The following EHD4 variants were observed in gnomAD, a reference collection of about 807,000 sequenced individuals.
The protein encoded by EHD4 is EH domain containing 4.
A neutral mutation model predicts 51.0 loss-of-function variants in EHD4; 37 were observed. The ratio of observed to expected loss-of-function variants is 0.73; its 90% CI spans 0.56 to 0.95. The LOEUF is 0.95. EHD4 is among the 40% of genes least tolerant of loss of function. The pLI is 0.00. For missense variants in EHD4, 632 were observed against 733.1 expected, an observed-to-expected ratio of 0.86 and a Z score of 1.59; for synonymous variants, 297 against 317.3, an observed-to-expected ratio of 0.94 and a Z score of 0.68.
chr15:41,923,980 T>C (rs1018564897), intron 3 of EHD4, among the ~76,000 whole-genome samples: 2 of 152,240 alleles, frequency 1.3e-5, no homozygotes, highest in Non-Finnish European at 2.9e-5. Flanking sequence ...TGGGCCAACT[T>C]TGATTAAGTT....
At chr15:41,969,594 T>G (rs1183932522) in intron 1 of EHD4, among the ~76,000 whole-genome samples, 1 of 152,222 alleles carries the variant, frequency 6.6e-6, no homozygotes, top group African/African-American at 2.4e-5. Flanking sequence ...GACTTCATAC[T>G]TTTTCAGTGG....
chr15:41,946,658 C>T (rs2067817191), intron 2 of EHD4, among the ~76,000 whole-genome samples: 1 of 152,138 alleles, frequency 6.6e-6, no homozygotes, highest in African/African-American at 2.4e-5. Flanking sequence ...CCCAGGAGGT[C>T]GGAGCTGCAG....
At chr15:41,963,065 G>A (rs952900772) in intron 1 of EHD4, among the ~76,000 whole-genome samples, 78 of 152,292 alleles carry the variant, frequency 5.1e-4, no homozygotes, top group African/African-American at 1.7e-3. Context: ...AGTGCAAGAT[G>A]TGCTTTGTTA....
At chr15:41,941,643 T>C (rs954633420) in intron 3 of EHD4, 6 of 151,438 alleles carry the variant, frequency 4.0e-5, no homozygotes, top group African/African-American at 1.5e-4. Flanking sequence ...AAAGGTGACC[T>C]TAATGGCATT....
chr15:41,921,552 T>A (rs1252612369), intron 3 of EHD4: 1 of 152,278 alleles, frequency 6.6e-6, no homozygotes, highest in Admixed American at 6.5e-5. Flanking sequence ...ACTGGCTGTT[T>A]GCTGGGTGCC....
intron 2 of EHD4, among the ~76,000 whole-genome samples, chr15:41,953,424 T>C (rs2141004694): frequency 6.6e-6 from 1 of 152,318 alleles, no homozygotes; most frequent in African/African-American, 2.4e-5. Context: ...CTTACTTCGT[T>C]GTCCAAGCTG....
intron 3 of EHD4, among the ~76,000 whole-genome samples, chr15:41,920,661 T>G (rs868551498): frequency 4.6e-5 from 7 of 152,150 alleles, no homozygotes; most frequent in African/African-American, 1.4e-4. Flanking sequence ...GACACTTTGC[T>G]TTGTTTGCTA....
chr15:41,936,446 G>A (rs2067732429), intron 3 of EHD4, among the ~76,000 whole-genome samples: 1 of 152,110 alleles, frequency 6.6e-6, no homozygotes, highest in South Asian at 2.1e-4. Flanking sequence ...CACTATGAGA[G>A]TATTAGCTAT....
intron 3 of EHD4, among the ~76,000 whole-genome samples, chr15:41,925,193 C>T (rs1488186123): frequency 1.3e-5 from 2 of 152,144 alleles, no homozygotes; most frequent in Non-Finnish European, 2.9e-5. Context: ...CACATCTCCA[C>T]AAACTGCTGA....
chr15:41,951,602 C>T (rs190363219), intron 2 of EHD4, among the ~76,000 whole-genome samples: 61 of 152,272 alleles, frequency 4.0e-4, no homozygotes, highest in African/African-American at 1.4e-3. Context: ...CAGCTTATTT[C>T]GTTAAGCCTT....
intron 3 of EHD4, among the ~76,000 whole-genome samples, chr15:41,936,291 A>G (rs1309794813): frequency 6.6e-6 from 1 of 152,158 alleles, no homozygotes; most frequent in East Asian, 1.9e-4. Flanking sequence ...ACAAGCTACC[A>G]TACTTGCTAC....
At chr15:41,939,205 T>C (rs955232147) in intron 3 of EHD4, among the ~76,000 whole-genome samples, 2 of 152,244 alleles carry the variant, frequency 1.3e-5, no homozygotes, top group African/African-American at 2.4e-5. Flanking sequence ...CATTCTTTCA[T>C]TGGCTACTAA....
chr15:41,958,527 A>AT lies in EHD4; in HGVS notation c.237-4588dup, dbSNP rs536933020. Among the ~76,000 whole-genome samples, 441 of 150,234 alleles carry AT rather than the reference A, an allele frequency of 2.9e-3. 2 individuals carry two copies. The highest frequency in any genetic ancestry group is 7.0e-3 in the Middle Eastern group (2 of 286). On this transcript the variant is annotated intron_variant, in intron 1 of 5. Transcript: ENST00000220325. ...TCTTTTTTTCATTGCTTAGGCTAGA[A>AT]TTTTTTTTTTCACTTCATAGAAGTG...
intron 1 of EHD4, among the ~76,000 whole-genome samples, chr15:41,956,244 G>C (rs901294307): frequency 6.6e-6 from 1 of 152,182 alleles, no homozygotes; most frequent in African/African-American, 2.4e-5. Context: ...TTGGGGAAGA[G>C]CTCGGTGTGG....
At position 41,896,638 on chromosome 15, in the gene EHD4, G is replaced by A. The variant is rs570597902; in HGVS notation, c.*4007C>T. The A allele has an allele frequency of 2.0e-5, 3 of 148,446 alleles. No homozygotes were observed. The highest frequency in any genetic ancestry group is 4.5e-5 in the Non-Finnish European group (3 of 66,518). The allele number at this position is 148,446 out of a possible 1,614,324, so 9.2% of individuals were successfully genotyped here. A position where few individuals can be genotyped will look rare whatever the true frequency, so the allele number is the denominator to read the frequency against. On this transcript the variant is annotated 3_prime_UTR_variant, in exon 6 of 6. Coordinates refer to ENST00000220325, the MANE Select transcript of EHD4 (RefSeq NM_139265.4). Reference sequence around the variant, plus strand: ...TGCCTACTATGGTAGTGGGCGGGGGGAGGGCACACTGGCAAGGTACAGCAA... The same window carrying A: ...TGCCTACTATGGTAGTGGGCGGGGGAAGGGCACACTGGCAAGGTACAGCAA...
intron 3 of EHD4, among the ~76,000 whole-genome samples, chr15:41,922,864 C>G (rs1161410485): frequency 6.6e-6 from 1 of 152,080 alleles, no homozygotes; most frequent in African/African-American, 2.4e-5. Flanking sequence ...TCGAGAAGTA[C>G]AGGTAGGCAG....
At chr15:41,914,067 A>G (rs887994502) in intron 4 of EHD4, among the ~76,000 whole-genome samples, 1 of 151,150 alleles carries the variant, frequency 6.6e-6, no homozygotes, top group Non-Finnish European at 1.5e-5. Context: ...TGCCTCCAAG[A>G]CTGAGACACA....
chr15:41,957,796 T>C (rs143635142), intron 1 of EHD4, among the ~76,000 whole-genome samples: 1 of 152,152 alleles, frequency 6.6e-6, no homozygotes, highest in Non-Finnish European at 1.5e-5. Context: ...CTGCAGAAAC[T>C]CAGATTCATC....
intron 5 of EHD4, among the ~76,000 whole-genome samples, chr15:41,903,969 C>T (rs1013970516): frequency 2.6e-5 from 4 of 152,178 alleles, no homozygotes; most frequent in East Asian, 1.9e-4. Context: ...GCCTGCACTT[C>T]GGGCTCCTGC....
Sources: gnomAD v4.1 joint callset for allele counts (sites outside exome capture counted in the v4.1 genomes callset) on GRCh38, gnomAD v4.1.1 for gene constraint, MANE v1.5 for transcripts, NCBI Gene and HGNC (gene_info 2026-07-23, HGNC 2026-07-21) for gene names.